CAMK1D: variants seen among roughly 807,000 people sequenced by gnomAD.
CAMK1D encodes the protein calcium/calmodulin dependent protein kinase ID, also known as calcium/calmodulin-dependent protein kinase type 1D.
A neutral mutation model predicts 47.7 loss-of-function variants in CAMK1D; 9 were observed. The observed-to-expected ratio is 0.19, with a 90% CI of 0.11 to 0.33. CAMK1D has a LOEUF of 0.33. CAMK1D is among the 10% of genes least tolerant of loss of function. CAMK1D has a pLI of 1.00. For missense variants in CAMK1D, 291 were observed against 488.7 expected (o/e 0.60, Z 3.81); for synonymous variants, 184 against 184.9 (o/e 0.99, Z 0.04).
chr10:12,582,163 G>A (rs927806469), intron 2 of CAMK1D, among the ~76,000 whole-genome samples: 1 of 152,150 alleles, frequency 6.6e-6, no homozygotes, highest in Non-Finnish European at 1.5e-5. Flanking sequence ...CCCACTTTAT[G>A]TTTTTGTTAG....
chr10:12,699,920 C>A (rs1472440155), intron 3 of CAMK1D, among the ~76,000 whole-genome samples: 1 of 152,024 alleles, frequency 6.6e-6, no homozygotes, highest in Non-Finnish European at 1.5e-5. Context: ...TTCAAAATGA[C>A]GTCTTTTCCT....
At chr10:12,548,854 T>TTTTTA (rs1417348971) in intron 1 of CAMK1D, among the ~76,000 whole-genome samples, 3 of 151,934 alleles carry the variant, frequency 2.0e-5, no homozygotes, top group Non-Finnish European at 4.4e-5. Context: ...CTCCAGAAAC[T>TTTTTA]TTTTATTTTT....
chr10:12,669,667 C>T (rs1840547525), intron 3 of CAMK1D, among the ~76,000 whole-genome samples: 1 of 152,178 alleles, frequency 6.6e-6, no homozygotes. Flanking sequence ...CTCAAGACCC[C>T]TTCGACCCCT....
chr10:12,592,657 G>A (rs1367006001), intron 2 of CAMK1D, among the ~76,000 whole-genome samples: 6 of 152,134 alleles, frequency 3.9e-5, no homozygotes, highest in Non-Finnish European at 8.8e-5. Context: ...GAAATCACAA[G>A]TCTCTTTGGT....
intron 1 of CAMK1D, among the ~76,000 whole-genome samples, chr10:12,367,678 T>G (rs2131850867): frequency 6.6e-6 from 1 of 152,184 alleles, no homozygotes; most frequent in Non-Finnish European, 1.5e-5. Flanking sequence ...GTGCGCACAG[T>G]TCACAACAGG....
chr10:12,786,351 G>A (rs1837721588), intron 5 of CAMK1D, among the ~76,000 whole-genome samples: 1 of 152,060 alleles, frequency 6.6e-6, no homozygotes, highest in Admixed American at 6.6e-5. Context: ...TTTGTATTTT[G>A]TTGGTCGATA....
chr10:12,372,305 T>C (rs1042208164), intron 1 of CAMK1D, among the ~76,000 whole-genome samples: 3 of 152,252 alleles, frequency 2.0e-5, no homozygotes, highest in Admixed American at 2.0e-4. Flanking sequence ...ATAAAATAGA[T>C]ACTCTTGTCA....
intron 8 of CAMK1D, among the ~76,000 whole-genome samples, chr10:12,817,350 G>C (rs1832840705): frequency 1.3e-5 from 2 of 152,234 alleles, no homozygotes; most frequent in Non-Finnish European, 2.9e-5. Context: ...GTTAAATGAA[G>C]TTACATATTT....
chr10:12,558,040 C>A (rs1027333266), intron 2 of CAMK1D, among the ~76,000 whole-genome samples: 1 of 152,210 alleles, frequency 6.6e-6, no homozygotes, highest in African/African-American at 2.4e-5. Flanking sequence ...GGCTGTTGCT[C>A]TGCAGCTGTG....
intron 1 of CAMK1D, among the ~76,000 whole-genome samples, chr10:12,401,679 G>A (rs1314687949): frequency 6.6e-6 from 1 of 151,892 alleles, no homozygotes; most frequent in African/African-American, 2.4e-5. Flanking sequence ...CACAGAGGAG[G>A]TGAGCTGGGC....
rs192914327 is a variant in CAMK1D, at chr10:12,390,430, A to G, written c.92+40520A>G. On this transcript the variant is annotated intron_variant, in intron 1 of 10. Coordinates refer to ENST00000619168, the MANE Select transcript of CAMK1D (RefSeq NM_153498.4). ...CTCATATAAGTAGAATTCTAGAGCT[A>G]GAAGAGACATTGTATCTCTAGCTCT... 1.5e-4 allele frequency among the ~76,000 whole-genome samples: 23 copies of G among 152,338 alleles called. 1 individual carries two copies. The East Asian group carries it at 4.0e-3, about 27-fold the overall frequency.
intron 1 of CAMK1D, among the ~76,000 whole-genome samples, chr10:12,473,262 T>C (rs1055925674): frequency 2.0e-5 from 3 of 152,148 alleles, no homozygotes; most frequent in Non-Finnish European, 2.9e-5. Flanking sequence ...GTGAAGACCT[T>C]TGCCTATCAA....
intron 1 of CAMK1D, among the ~76,000 whole-genome samples, chr10:12,474,647 G>GT (rs1833849498): frequency 6.6e-6 from 1 of 151,850 alleles, no homozygotes; most frequent in Admixed American, 6.6e-5. Flanking sequence ...TGTTATATAG[G>GT]TAAACTCATA....
At chr10:12,801,182 A>T (rs1316004364) in intron 6 of CAMK1D, among the ~76,000 whole-genome samples, 1 of 152,052 alleles carries the variant, frequency 6.6e-6, no homozygotes, top group Non-Finnish European at 1.5e-5. Context: ...GCATTTAATG[A>T]TCACTATGTC....
At chr10:12,627,465 G>T (rs1309054887) in intron 2 of CAMK1D, among the ~76,000 whole-genome samples, 1 of 152,068 alleles carries the variant, frequency 6.6e-6, no homozygotes, top group Non-Finnish European at 1.5e-5. Flanking sequence ...TTATATACTT[G>T]CAGATAATCA....
At chr10:12,803,292 G>A (rs1414748821) in intron 6 of CAMK1D, among the ~76,000 whole-genome samples, 1 of 152,172 alleles carries the variant, frequency 6.6e-6, no homozygotes, top group Admixed American at 6.5e-5. Flanking sequence ...TTTAAATAAG[G>A]CTGGACTATG....
In CAMK1D at chr10:12,788,445, C is replaced by T. The variant is rs574983166; in HGVS notation, c.566-2713C>T. Among the ~76,000 whole-genome samples, 19 of 152,362 alleles carry T rather than the reference C, an allele frequency of 1.2e-4. No homozygotes were observed. The South Asian group carries it at 3.5e-3, about 28-fold the overall frequency. ...TCTTGTGATCTGGAACCTAGCGCCTCCACCCCCTAACTTAGCTCTTCCCTC... is the reference window on the plus strand; with the variant it reads ...TCTTGTGATCTGGAACCTAGCGCCTTCACCCCCTAACTTAGCTCTTCCCTC... On this transcript the variant is annotated intron_variant, in intron 5 of 10. Coordinates refer to ENST00000619168, the MANE Select transcript of CAMK1D (RefSeq NM_153498.4).
At chr10:12,593,361 G>A (rs1358845161) in intron 2 of CAMK1D, among the ~76,000 whole-genome samples, 3 of 152,096 alleles carry the variant, frequency 2.0e-5, no homozygotes, top group East Asian at 3.9e-4. Flanking sequence ...AGGCCAAGGC[G>A]GGTGGATCAC....
At chr10:12,420,733 A>C (rs1402983875) in intron 1 of CAMK1D, among the ~76,000 whole-genome samples, 1 of 152,170 alleles carries the variant, frequency 6.6e-6, no homozygotes, top group Non-Finnish European at 1.5e-5. Context: ...GACCAGTGCC[A>C]AGTTACTAAC....
Sources: allele counts gnomAD v4.1 joint callset (sites outside exome capture counted in the v4.1 genomes callset), GRCh38; gene constraint gnomAD v4.1.1; transcripts MANE v1.5; gene names NCBI Gene and HGNC (gene_info 2026-07-23, HGNC 2026-07-21).